Variants in CADM1 observed in about 807,000 individuals in gnomAD.
CADM1 encodes the protein TSLC-1.
In CADM1, 15 loss-of-function variants were observed where a neutral mutation model predicts 53.1. The ratio of observed to expected loss-of-function variants is 0.28; its 90% CI spans 0.19 to 0.44. The LOEUF (loss-of-function observed/expected upper bound fraction) is 0.44. Among genes scored for constraint, CADM1 ranks in the 20% least tolerant of loss-of-function variants. CADM1 has a pLI of 1.00. For missense variants in CADM1, 434 were observed against 611.3 expected, an observed-to-expected ratio of 0.71 and a Z score of 3.06; for synonymous variants, 281 against 243.0, an observed-to-expected ratio of 1.16 and a Z score of -1.45.
intron 1 of CADM1, among the ~76,000 whole-genome samples, chr11:115,497,761 A>G: frequency 6.6e-6 from 1 of 152,088 alleles, no homozygotes; most frequent in Non-Finnish European, 1.5e-5. Flanking sequence ...GTGCTCCCCA[A>G]ATCGTGAATG....
At chr11:115,209,540 C>G in intron 8 of CADM1, 34 bp downstream of exon 8, 1 of 1,609,366 alleles carries the variant, frequency 6.2e-7, no homozygotes, top group Non-Finnish European at 8.5e-7. Flanking sequence ...AATATACATT[C>G]AGGACATTTT....
chr11:115,219,263 C>G (rs573698724), intron 5 of CADM1, among the ~76,000 whole-genome samples: 1 of 152,292 alleles, frequency 6.6e-6, no homozygotes, highest in African/African-American at 2.4e-5. Context: ...CAAGGCTCAA[C>G]CAATCTCATC....
intron 1 of CADM1, among the ~76,000 whole-genome samples, chr11:115,366,381 T>G (rs1946157641): frequency 6.6e-6 from 1 of 152,324 alleles, no homozygotes; most frequent in East Asian, 1.9e-4. Context: ...TAGTGTCAAG[T>G]GATGTCCAAA....
intron 1 of CADM1, among the ~76,000 whole-genome samples, chr11:115,353,020 A>G (rs746751692): frequency 3.3e-5 from 5 of 152,216 alleles, no homozygotes; most frequent in East Asian, 1.9e-4. Context: ...CTCTTGAGAT[A>G]ACTTTTGAAT....
At chr11:115,351,553 T>C (rs951795494) in intron 1 of CADM1, among the ~76,000 whole-genome samples, 1 of 152,200 alleles carries the variant, frequency 6.6e-6, no homozygotes, top group Non-Finnish European at 1.5e-5. Flanking sequence ...CAATGAAGTC[T>C]TCAGATTCTC....
At chr11:115,241,967 CCT>C (rs1491375653) in intron 1 of CADM1, among the ~76,000 whole-genome samples, 1 of 148,160 alleles carries the variant, frequency 6.7e-6, no homozygotes, top group African/African-American at 2.5e-5. Flanking sequence ...GTTGAAGGAT[CCT>C]TTTTTTTTTT....
At chr11:115,233,673 A>G (rs559021765) in intron 3 of CADM1, among the ~76,000 whole-genome samples, 7 of 152,236 alleles carry the variant, frequency 4.6e-5, no homozygotes, top group Admixed American at 3.9e-4. Context: ...CTAAGGTGTA[A>G]CAAATATAGG....
At chr11:115,214,314 C>T (rs1445658864) in intron 7 of CADM1, among the ~76,000 whole-genome samples, 1 of 152,218 alleles carries the variant, frequency 6.6e-6, no homozygotes, top group Non-Finnish European at 1.5e-5. Flanking sequence ...CTGAATGTTT[C>T]AGTCATTACT....
chr11:115,494,308 A>G (rs1949563648), intron 1 of CADM1, among the ~76,000 whole-genome samples: 1 of 152,176 alleles, frequency 6.6e-6, no homozygotes, highest in African/African-American at 2.4e-5. Flanking sequence ...AGATGAACCT[A>G]ACACAGTGTC....
chr11:115,416,891 G>A (rs1159769108), intron 1 of CADM1, among the ~76,000 whole-genome samples: 2 of 152,096 alleles, frequency 1.3e-5, no homozygotes, highest in East Asian at 1.9e-4. Flanking sequence ...CAGCCACAGG[G>A]CACTGAATTT....
intron 1 of CADM1, among the ~76,000 whole-genome samples, chr11:115,249,967 C>T (rs929139311): frequency 8.5e-5 from 10 of 117,880 alleles, no homozygotes; most frequent in East Asian, 2.0e-4. Flanking sequence ...TGCAGTAGTG[C>T]GATCTCGGCT....
intron 10 of CADM1, among the ~76,000 whole-genome samples, chr11:115,179,435 C>T (rs763591245): frequency 6.6e-6 from 1 of 152,144 alleles, no homozygotes; most frequent in Non-Finnish European, 1.5e-5. Context: ...TATTTAACAC[C>T]TTGCAATGCA....
intron 1 of CADM1, among the ~76,000 whole-genome samples, chr11:115,295,511 T>TCTTG (rs1944031517): frequency 3.6e-5 from 1 of 28,058 alleles, no homozygotes; most frequent in Non-Finnish European, 5.5e-5. Flanking sequence ...ATATTTTATA[T>TCTTG]ATATATATAT....
chr11:115,293,013 G>A (rs1943947813), intron 1 of CADM1, among the ~76,000 whole-genome samples: 1 of 152,170 alleles, frequency 6.6e-6, no homozygotes, highest in Non-Finnish European at 1.5e-5. Flanking sequence ...TTTTAGAAAA[G>A]TAGATATATG....
At chr11:115,197,053 CA>C (rs1940192627) in intron 9 of CADM1, among the ~76,000 whole-genome samples, 1 of 152,138 alleles carries the variant, frequency 6.6e-6, no homozygotes, top group African/African-American at 2.4e-5. Flanking sequence ...CCCTTTGCAC[CA>C]ATGACCAGAA....
chr11:115,226,307 A>G (rs1295721257), intron 5 of CADM1, among the ~76,000 whole-genome samples: 1 of 152,210 alleles, frequency 6.6e-6, no homozygotes, highest in Non-Finnish European at 1.5e-5. Flanking sequence ...GAACATGGCA[A>G]ATTTGTGAAA....
At chr11:115,462,585 C>T (rs976388888) in intron 1 of CADM1, among the ~76,000 whole-genome samples, 15 of 152,234 alleles carry the variant, frequency 9.9e-5, no homozygotes, top group Admixed American at 9.8e-4. Flanking sequence ...CCCCATGAAC[C>T]TATTAAATAT....
At position 115,368,715 on chromosome 11, in the gene CADM1, TACA is replaced by T. The variant is rs201333932; in HGVS notation, c.125-128298_125-128296del. On this transcript the variant is annotated intron_variant, in intron 1 of 11. Transcript: ENST00000331581. Reference sequence around the variant, plus strand: ...ATGACTCTGAGACTAAAAACACTACTACAACAACCATATTTTGTGGGTAAATAA... The same window carrying T: ...ATGACTCTGAGACTAAAAACACTACTACAACCATATTTTGTGGGTAAATAA... Among the ~76,000 whole-genome samples the T allele has an allele frequency of 6.0e-4, 91 of 152,222 alleles. 2 individuals carry two copies. The East Asian group carries it at 0.016, about 27-fold the overall frequency.
Position 115,171,532 on chromosome 11 carries a change from A to C in CADM1, c.*4942T>G. ...AAACTCTCTGGGGGAAACGAGGGCC[A>C]TTTTCACTCTCGTACGCACTCTTCT... On this transcript the variant is annotated 3_prime_UTR_variant, in exon 12 of 12. Transcript: ENST00000331581. 1 of 152,154 alleles carries C rather than the reference A, an allele frequency of 6.6e-6. No individual in the cohort carries two copies. The allele number at this position is 152,154 out of a possible 1,614,324, so 9.4% of individuals were successfully genotyped here. A position where few individuals can be genotyped will look rare whatever the true frequency, so the allele number is the denominator to read the frequency against.
Sources: gnomAD v4.1 joint callset for allele counts (sites outside exome capture counted in the v4.1 genomes callset) on GRCh38, gnomAD v4.1.1 for gene constraint, MANE v1.5 for transcripts, NCBI Gene and HGNC (gene_info 2026-07-23, HGNC 2026-07-21) for gene names.